ZNF44: variants seen among roughly 807,000 people sequenced by gnomAD.
ZNF44 encodes zinc finger protein 44, also known as gonadotropin inducible transcription repressor-2.
In ZNF44, 9 loss-of-function variants were observed where a neutral mutation model predicts 11.7. The observed-to-expected ratio is 0.77, with a 90% CI of 0.46 to 1.35. The LOEUF (loss-of-function observed/expected upper bound fraction) is 1.35, where lower values mean the gene tolerates loss of function less well. Among genes scored for constraint, ZNF44 ranks in the 40% most tolerant of loss-of-function variants. The pLI, the probability that ZNF44 is intolerant of heterozygous loss-of-function variation, is 0.00. For synonymous variants in ZNF44, 224 were observed against 242.7 expected, an observed-to-expected ratio of 0.92 and a Z score of 0.72; for missense variants, 696 against 743.1, an observed-to-expected ratio of 0.94 and a Z score of 0.74.
upstream of ZNF44, among the ~76,000 whole-genome samples, chr19:12,239,736 G>C (rs866304560): frequency 1.3e-5 from 2 of 151,748 alleles, no homozygotes; most frequent in African/African-American, 4.8e-5. Flanking sequence ...ACCACACGCA[G>C]CTAATTTTTG....
At chr19:12,246,243 A>G (rs1916764598), downstream of ZNF44, among the ~76,000 whole-genome samples, 1 of 152,226 alleles carries the variant, frequency 6.6e-6, no homozygotes, top group African/African-American at 2.4e-5. Flanking sequence ...CACACCTCCA[A>G]CCTAGATTGT....
chr19:12,227,434 TCTA>T (rs1361517268), intron 3 of ZNF44, among the ~76,000 whole-genome samples: 1 of 152,192 alleles, frequency 6.6e-6, no homozygotes, highest in African/African-American at 2.4e-5. Context: ...AAACTTCGTC[TCTA>T]CTAAAAATAC....
intron 1 of ZNF44, among the ~76,000 whole-genome samples, chr19:12,287,892 T>C (rs1385642829): frequency 6.6e-6 from 1 of 152,314 alleles, no homozygotes; most frequent in East Asian, 1.9e-4. Flanking sequence ...AACTGGAAAC[T>C]GAAGAGGCAA....
intron 1 of ZNF44, among the ~76,000 whole-genome samples, chr19:12,288,673 C>T (rs8105349): frequency 0.2 from 29,718 of 146,666 alleles, 3,947 homozygotes; most frequent in African/African-American, 0.39. Flanking sequence ...ACCTAGGAGG[C>T]GAGGTTGGAG....
At chr19:12,238,274 G>C (rs916521164), upstream of ZNF44, among the ~76,000 whole-genome samples, 8 of 152,138 alleles carry the variant, frequency 5.3e-5, no homozygotes, top group African/African-American at 1.9e-4. Context: ...AGGATCACCT[G>C]AGGTCAGGAG....
chr19:12,288,156 A>G (rs1339850623), intron 1 of ZNF44, among the ~76,000 whole-genome samples: 2 of 152,222 alleles, frequency 1.3e-5, no homozygotes, highest in Non-Finnish European at 2.9e-5. Flanking sequence ...TGCAGATGCC[A>G]AATGCAAGCC....
intron 1 of ZNF44, among the ~76,000 whole-genome samples, chr19:12,291,584 G>C (rs577677656): frequency 6.6e-6 from 1 of 152,048 alleles, no homozygotes; most frequent in Non-Finnish European, 1.5e-5. Flanking sequence ...TGTAGTCGCA[G>C]CTACTTGGGA....
intron 5 of ZNF44, among the ~76,000 whole-genome samples, chr19:12,255,815 G>T (rs1356891164): frequency 6.6e-6 from 1 of 151,928 alleles, no homozygotes; most frequent in Non-Finnish European, 1.5e-5. Flanking sequence ...CAAGGTGGGC[G>T]GATCACCTGA....
At chr19:12,271,715 G>C (rs1045722455), downstream of ZNF44, 1 of 152,176 alleles carries the variant, frequency 6.6e-6, no homozygotes, top group Non-Finnish European at 1.5e-5. Context: ...TGATATATAC[G>C]ATGTAGATAG....
intron 1 of ZNF44, among the ~76,000 whole-genome samples, chr19:12,283,978 C>G (rs1226508342): frequency 6.6e-6 from 1 of 152,038 alleles, no homozygotes; most frequent in African/African-American, 2.4e-5. Flanking sequence ...CAGAGCTGGA[C>G]ATTATCTAAA....
chr19:12,286,645 G>A (rs3098394), intron 1 of ZNF44, among the ~76,000 whole-genome samples: 63,818 of 149,766 alleles, frequency 0.43, 16,057 homozygotes, highest in African/African-American at 0.72. Context: ...TCAAAAAAAA[G>A]AAAGAAAGAA....
At chr19:12,231,235 G>A (rs1231153593) in intron 2 of ZNF44, among the ~76,000 whole-genome samples, 2 of 152,090 alleles carry the variant, frequency 1.3e-5, no homozygotes, top group African/African-American at 4.8e-5. Context: ...TTGAAAAGTG[G>A]GGACATGGTT....
intron 3 of ZNF44, among the ~76,000 whole-genome samples, chr19:12,230,307 A>C (rs980147913): frequency 2.0e-5 from 3 of 152,166 alleles, no homozygotes; most frequent in Non-Finnish European, 2.9e-5. Flanking sequence ...AGAGACCTGG[A>C]GTTCTCTTTC....
At chr19:12,253,187 C>CTTTTTT (rs763591024) in intron 5 of ZNF44, among the ~76,000 whole-genome samples, 3 of 110,242 alleles carry the variant, frequency 2.7e-5, no homozygotes, top group South Asian at 3.0e-4. Context: ...CTGCACCTGG[C>CTTTTTT]TTTTTTTTTT....
At chr19:12,260,566 C>G in intron 5 of ZNF44, 2 of 730,880 alleles carry the variant, frequency 2.7e-6, no homozygotes, top group African/African-American at 1.8e-5. Flanking sequence ...AATAAAGAGT[C>G]AGCTGGCTTT....
At chr19:12,277,403 T>C in intron 1 of ZNF44, among the ~76,000 whole-genome samples, 1 of 152,214 alleles carries the variant, frequency 6.6e-6, no homozygotes, top group Non-Finnish European at 1.5e-5. Context: ...CAGAATTCAG[T>C]GTCAGCTTTC....
At chr19:12,284,690 C>T (rs918829152) in intron 1 of ZNF44, 13 of 739,444 alleles carry the variant, frequency 1.8e-5, no homozygotes, top group Non-Finnish European at 2.9e-5. Context: ...CGTTTGTTGC[C>T]ATCGGGGACT....
chr19:12,249,899 G>T, intron 7 of ZNF44: 1 of 1,015,122 alleles, frequency 9.9e-7, no homozygotes, highest in Non-Finnish European at 1.3e-6. Flanking sequence ...AGCTTGTTTT[G>T]TTTCTTTAAT....
chr19:12,263,039 T>C (rs1917577625), intron 5 of ZNF44, among the ~76,000 whole-genome samples: 1 of 152,062 alleles, frequency 6.6e-6, no homozygotes, highest in Admixed American at 6.6e-5. Context: ...CAGTCCCAGA[T>C]TCAGTTTAAG....
Sources: allele counts gnomAD v4.1 joint callset (sites outside exome capture counted in the v4.1 genomes callset), GRCh38; gene constraint gnomAD v4.1.1; transcripts MANE v1.5; gene names NCBI Gene and HGNC (gene_info 2026-07-23, HGNC 2026-07-21).